The following PRPF4 variants were observed in gnomAD, a reference collection of about 807,000 sequenced individuals.
The protein encoded by PRPF4 is U4/U6 small nuclear ribonucleoprotein Prp4.
PRPF4 carries 14 observed loss-of-function variants against 72.2 expected under a neutral mutation model. The ratio of observed to expected loss-of-function variants is 0.19; its 90% CI spans 0.13 to 0.30. PRPF4 has a LOEUF of 0.30. Among genes scored for constraint, PRPF4 ranks in the 10% least tolerant of loss-of-function variants. The pLI is 1.00. For synonymous variants in PRPF4, 225 were observed against 232.2 expected, an observed-to-expected ratio of 0.97 and a Z score of 0.28; for missense variants, 478 against 653.9, an observed-to-expected ratio of 0.73 and a Z score of 2.93.
intron 10 of PRPF4, 45 bp from the exon 11 acceptor site, chr9:113,290,421 T>G: frequency 6.2e-7 from 1 of 1,613,106 alleles, no homozygotes; most frequent in Non-Finnish European, 8.5e-7. Context: ...TTGTAGAAAC[T>G]GAATAAATAT....
intron 9 of PRPF4, 37 bp downstream of exon 9, chr9:113,286,865 C>T (rs138771752): frequency 4.3e-6 from 7 of 1,613,498 alleles, no homozygotes; most frequent in Non-Finnish European, 5.9e-6. Flanking sequence ...ACTGCCATCA[C>T]TAAAGTAGAT....
Position 113,292,291 on chromosome 9 carries a change from A to T in PRPF4, c.*631A>T, listed in dbSNP as rs976739538. 3 of 152,314 alleles carry T rather than the reference A, an allele frequency of 2.0e-5. No homozygotes were observed. Among genetic ancestry groups the T allele is most frequent in the African/African-American group, 7.2e-5 (3 of 41,426 alleles). The allele number at this position is 152,314 out of a possible 1,614,324, so 9.4% of individuals were successfully genotyped here. A position where few individuals can be genotyped will look rare whatever the true frequency, so the allele number is the denominator to read the frequency against. ...GGATTGTGACTGACTCTGCATTTTT[A>T]ATTCTTGAAACTTGGCTTTCCATAA... On this transcript the variant is annotated 3_prime_UTR_variant, in exon 14 of 14. Transcript: ENST00000374198.
intron 3 of PRPF4, among the ~76,000 whole-genome samples, chr9:113,280,688 G>A (rs992860669): frequency 1.1e-4 from 16 of 152,110 alleles, no homozygotes; most frequent in African/African-American, 3.4e-4. Flanking sequence ...TCTTACCATG[G>A]TCTGTAAGGT....
chr9:113,278,134 G>A (rs745437522), intron 2 of PRPF4, among the ~76,000 whole-genome samples: 1 of 152,148 alleles, frequency 6.6e-6, no homozygotes, highest in African/African-American at 2.4e-5. Context: ...AACACAATAC[G>A]TAAATTGTTG....
intron 8 of PRPF4, 50 bp downstream of exon 8, chr9:113,286,340 A>G: frequency 1.3e-6 from 2 of 1,503,680 alleles, no homozygotes; most frequent in Non-Finnish European, 1.9e-6. Flanking sequence ...GTGTGAACTC[A>G]GTTAAGCCTT....
chr9:113,288,212 C>CGTGTG lies in PRPF4; in HGVS notation c.972_976dup (p.Ala326ValfsTer5). The CGTGTG allele has an allele frequency of 6.2e-7, 1 of 1,614,220 alleles. No homozygotes were observed. The highest frequency in any genetic ancestry group is 8.5e-7 in the Non-Finnish European group (1 of 1,180,038). On this transcript the variant is annotated frameshift_variant, in exon 10 of 14. Transcript: ENST00000374198. LOFTEE classifies it high-confidence loss of function. ...GGCAGATATTGAAGGCCATACAGTG[C>CGTGTG]GTGTGGCGCGGGTAATGTGGCATCC...
intron 10 of PRPF4, among the ~76,000 whole-genome samples, chr9:113,289,620 C>G (rs1242072873): frequency 2.0e-5 from 3 of 152,150 alleles, no homozygotes; most frequent in Admixed American, 6.5e-5. Flanking sequence ...GTGTTTGTCT[C>G]TTTTGTCTTT....
chr9:113,284,570 C>G (rs1832380601), intron 7 of PRPF4, among the ~76,000 whole-genome samples, 181 bp downstream of exon 7: 1 of 152,170 alleles, frequency 6.6e-6, no homozygotes, highest in Non-Finnish European at 1.5e-5. Flanking sequence ...CTTGGTTTAG[C>G]CGTTCTCGCT....
intron 10 of PRPF4, 70 bp downstream of exon 10, chr9:113,288,334 C>T: frequency 1.4e-6 from 2 of 1,428,588 alleles, no homozygotes; most frequent in Middle Eastern, 1.9e-4. Flanking sequence ...TGGCTATCTG[C>T]CAGGTAAATT....
In PRPF4 at chr9:113,292,228, T is replaced by A. The variant is rs2118656060; in HGVS notation, c.*568T>A. The A allele has an allele frequency of 1.3e-5, 2 of 152,062 alleles. No individual in the cohort carries two copies. The highest frequency in any genetic ancestry group is 1.9e-4 in the East Asian group (1 of 5,178). The allele number at this position is 152,062 out of a possible 1,614,324, so 9.4% of individuals were successfully genotyped here. ...GACCCTGTCTCAAAAAAAAAAAAAA[T>A]TTGTTCGAATGCCTTATAGCCTTCC... On this transcript the variant is annotated 3_prime_UTR_variant, in exon 14 of 14. Transcript: ENST00000374198.
chr9:113,290,344 A>C, intron 10 of PRPF4, 122 bp from the exon 11 acceptor site: 1 of 1,371,592 alleles, frequency 7.3e-7, no homozygotes, highest in Admixed American at 1.9e-5. Context: ...TCCTGTTAAT[A>C]TGGTTATATG....
intron 8 of PRPF4, among the ~76,000 whole-genome samples, 155 bp from the exon 9 acceptor site, chr9:113,286,550 A>C (rs1289675071): frequency 1.3e-5 from 2 of 152,224 alleles, no homozygotes; most frequent in African/African-American, 2.4e-5. Context: ...CTTTTTTAAA[A>C]ATGTAATTTA....
chr9:113,282,297 C>T (rs759558603), intron 3 of PRPF4, among the ~76,000 whole-genome samples: 1 of 152,040 alleles, frequency 6.6e-6, no homozygotes, highest in Non-Finnish European at 1.5e-5. Flanking sequence ...ACATAGCAAG[C>T]CCTTCTCTCT....
chr9:113,284,507 A>T, intron 7 of PRPF4, 118 bp downstream of exon 7: 2 of 807,452 alleles, frequency 2.5e-6, no homozygotes, highest in Admixed American at 2.1e-5. Flanking sequence ...TCATGATCAC[A>T]CCAAACTACA....
At chr9:113,281,404 A>G (rs1203309835) in intron 3 of PRPF4, among the ~76,000 whole-genome samples, 1 of 152,136 alleles carries the variant, frequency 6.6e-6, no homozygotes, top group Non-Finnish European at 1.5e-5. Context: ...TTGAGTCACT[A>G]CTGCTACTAT....
intron 2 of PRPF4, 51 bp downstream of exon 2, chr9:113,276,776 T>C (rs1430960039): frequency 5.3e-6 from 8 of 1,522,286 alleles, no homozygotes; most frequent in Middle Eastern, 1.9e-4. Flanking sequence ...AATGAATACC[T>C]TTCTAAACTT....
rs368296871 is a variant in PRPF4 at position 113,288,141 on chromosome 9, T to C, written c.933-34T>C. On this transcript the variant is annotated intron_variant, in intron 9 of 13. Transcript: ENST00000374198. ...GCAGTTTTGTGACTATTTATATGTC[T>C]ATAAAATTGTTTATATGTTTGGTTC... The C allele has an allele frequency of 1.2e-5, 19 of 1,599,678 alleles. No individual in the cohort carries two copies. In the African/African-American group the frequency reaches 2.4e-4, roughly 20 times the overall value.
intron 5 of PRPF4, 42 bp downstream of exon 5, chr9:113,283,253 T>C (rs553633998): frequency 6.2e-7 from 1 of 1,614,088 alleles, no homozygotes; most frequent in African/African-American, 1.3e-5. Flanking sequence ...ATATTTTTTG[T>C]GTGTGTTTCC....
At chr9:113,278,835 G>A in intron 2 of PRPF4, 110 bp from the exon 3 acceptor site, 1 of 1,047,050 alleles carries the variant, frequency 9.6e-7, no homozygotes, top group South Asian at 1.6e-5. Context: ...TATAAAATGT[G>A]TAATAGACAG....
Sources: allele counts gnomAD v4.1 joint callset (sites outside exome capture counted in the v4.1 genomes callset), GRCh38; gene constraint gnomAD v4.1.1; transcripts MANE v1.5; gene names NCBI Gene and HGNC (gene_info 2026-07-23, HGNC 2026-07-21).